The following PEBP4 variants were observed in gnomAD, a reference collection of about 807,000 sequenced individuals.
PEBP4 encodes the protein phosphatidylethanolamine binding protein 4, also known as phosphatidylethanolamine-binding protein 4.
A neutral mutation model predicts 23.9 loss-of-function variants in PEBP4; 22 were observed. The ratio of observed to expected loss-of-function variants is 0.92; its 90% confidence interval spans 0.66 to 1.31. The LOEUF is 1.31. Among genes scored for constraint, PEBP4 ranks in the 40% most tolerant of loss-of-function variants. The probability of loss-of-function intolerance (pLI) is 0.00; values close to 1 mark genes in which losing one functional copy is unlikely to be tolerated. For missense variants in PEBP4, 324 were observed against 281.7 expected, an observed-to-expected ratio of 1.15 and a Z score of -1.07; for synonymous variants, 112 against 99.3, an observed-to-expected ratio of 1.13 and a Z score of -0.76.
intron 3 of PEBP4, among the ~76,000 whole-genome samples, chr8:22,822,992 A>C (rs557497831): frequency 6.6e-6 from 1 of 152,228 alleles, no homozygotes; most frequent in Non-Finnish European, 1.5e-5. Context: ...ATAAAGGAAA[A>C]ATAATTATCC....
At position 22,864,259 on chromosome 8, in the gene PEBP4, C is replaced by A. The variant is rs138393440; in HGVS notation, c.259-46524G>T. On this transcript the variant is annotated intron_variant, in intron 3 of 6. Transcript: ENST00000256404. ...ATAAACAGGACAAACACAGGACCAG[C>A]CCCTTCCCTCCCTCCTTGCCTGGAG... Among the ~76,000 whole-genome samples, 737 of 152,338 alleles carry A rather than the reference C, an allele frequency of 4.8e-3. 6 individuals carry two copies. The highest frequency in any genetic ancestry group is 0.016 in the African/African-American group (682 of 41,564).
chr8:22,857,274 ACT>A (rs1807674104), intron 3 of PEBP4, among the ~76,000 whole-genome samples: 1 of 148,104 alleles, frequency 6.8e-6, no homozygotes, highest in African/African-American at 2.5e-5. Context: ...ACACACACTT[ACT>A]CACTCACACA....
intron 3 of PEBP4, among the ~76,000 whole-genome samples, chr8:22,856,713 C>CTAAATAAATAAA (rs60953053): frequency 4.6e-5 from 7 of 151,298 alleles, no homozygotes; most frequent in Non-Finnish European, 7.4e-5. Flanking sequence ...GAAACTGTCT[C>CTAAATAAATAAA]TAAATAAATA....
chr8:22,810,713 TGAGA>T (rs1261621853), intron 4 of PEBP4, among the ~76,000 whole-genome samples: 116 of 126,318 alleles, frequency 9.2e-4, no homozygotes, highest in Middle Eastern at 3.9e-3. Context: ...TGTGTGTGTG[TGAGA>T]GAGAGAGAGA....
chr8:22,832,186 G>A (rs1024834813), intron 3 of PEBP4, among the ~76,000 whole-genome samples: 1 of 152,170 alleles, frequency 6.6e-6, no homozygotes, highest in African/African-American at 2.4e-5. Context: ...TGCTGATAGG[G>A]GCTGCATGTT....
intron 3 of PEBP4, among the ~76,000 whole-genome samples, chr8:22,830,113 T>TTGTGTG (rs3060706): frequency 0.049 from 7,023 of 144,160 alleles, 316 homozygotes; most frequent in African/African-American, 0.11. Flanking sequence ...GGCTGTGGTT[T>TTGTGTG]TGTGTGTGTG....
intron 3 of PEBP4, among the ~76,000 whole-genome samples, chr8:22,891,024 T>G (rs1438157132): frequency 3.3e-5 from 5 of 152,174 alleles, no homozygotes; most frequent in African/African-American, 4.8e-5. Flanking sequence ...GAGATGGGGT[T>G]TCACCATGTT....
chr8:22,927,485 T>C (rs944707950), intron 2 of PEBP4, 99 bp downstream of exon 2: 12 of 1,407,070 alleles, frequency 8.5e-6, no homozygotes, highest in Non-Finnish European at 1.1e-5. Flanking sequence ...AAAATCAGGC[T>C]CAGGAGATGG....
At chr8:22,901,329 C>T (rs1276090744) in intron 3 of PEBP4, among the ~76,000 whole-genome samples, 3 of 152,104 alleles carry the variant, frequency 2.0e-5, no homozygotes, top group African/African-American at 7.2e-5. Context: ...TTATTATAGA[C>T]GTGATGAGTG....
At chr8:22,836,305 G>A (rs546126526) in intron 3 of PEBP4, among the ~76,000 whole-genome samples, 8 of 152,296 alleles carry the variant, frequency 5.3e-5, no homozygotes, top group African/African-American at 1.9e-4. Context: ...AAATCATATC[G>A]CTTGTCTCCA....
At chr8:22,826,113 CA>C (rs1806963116) in intron 3 of PEBP4, among the ~76,000 whole-genome samples, 1 of 152,132 alleles carries the variant, frequency 6.6e-6, no homozygotes, top group African/African-American at 2.4e-5. Context: ...GCTTGGTGTA[CA>C]ATACCGTGTC....
At chr8:22,780,256 C>T (rs1477061865) in intron 4 of PEBP4, among the ~76,000 whole-genome samples, 6 of 152,296 alleles carry the variant, frequency 3.9e-5, no homozygotes, top group South Asian at 4.1e-4. Context: ...GAACCATCAT[C>T]GTGCCTGGCC....
At chr8:22,761,158 G>A (rs1253707746) in intron 4 of PEBP4, among the ~76,000 whole-genome samples, 2 of 152,188 alleles carry the variant, frequency 1.3e-5, no homozygotes, top group Non-Finnish European at 2.9e-5. Context: ...TGGGCTGTGA[G>A]GTCATGCTTC....
intron 4 of PEBP4, among the ~76,000 whole-genome samples, chr8:22,813,054 C>A (rs1457625824): frequency 6.6e-6 from 1 of 152,162 alleles, no homozygotes; most frequent in African/African-American, 2.4e-5. Flanking sequence ...AAGCAGGGAG[C>A]TATAATTCTT....
intron 4 of PEBP4, among the ~76,000 whole-genome samples, chr8:22,801,651 C>A (rs1028858942): frequency 6.6e-5 from 10 of 152,048 alleles, no homozygotes; most frequent in Non-Finnish European, 4.4e-5. Context: ...CTGAGCTTAC[C>A]CCTTGGGAAA....
At chr8:22,798,736 T>TC (rs1806319654) in intron 4 of PEBP4, 1 of 118,072 alleles carries the variant, frequency 8.5e-6, no homozygotes, top group African/African-American at 4.6e-5. Flanking sequence ...TTCTTTTTTT[T>TC]TTTTTTTTTT....
At chr8:22,728,044 G>A (rs1804652710) in intron 4 of PEBP4, among the ~76,000 whole-genome samples, 2 of 152,192 alleles carry the variant, frequency 1.3e-5, no homozygotes, top group Admixed American at 6.5e-5. Flanking sequence ...AGGCCCCTAG[G>A]TGTGGGGTTT....
chr8:22,812,947 C>T (rs574731505), intron 4 of PEBP4, among the ~76,000 whole-genome samples: 3 of 152,214 alleles, frequency 2.0e-5, no homozygotes, highest in South Asian at 2.1e-4. Context: ...TTCACAGAGG[C>T]GAAGTTGCAG....
chr8:22,728,613 C>A (rs868220324), intron 4 of PEBP4, among the ~76,000 whole-genome samples: 1 of 101,002 alleles, frequency 9.9e-6, no homozygotes, highest in Non-Finnish European at 1.8e-5. Context: ...CCTTCCTTCC[C>A]TTTTTTTGGA....
Sources: allele counts gnomAD v4.1 joint callset (sites outside exome capture counted in the v4.1 genomes callset), GRCh38; gene constraint gnomAD v4.1.1; transcripts MANE v1.5; gene names NCBI Gene and HGNC (gene_info 2026-07-23, HGNC 2026-07-21).